ZNF568: variants seen among roughly 807,000 people sequenced by gnomAD.
The protein encoded by ZNF568 is zinc finger protein 568.
Under a neutral mutation model 18.1 loss-of-function variants are expected in ZNF568, and 11 were observed. The observed-to-expected ratio is 0.61, with a 90% confidence interval of 0.38 to 1.00. The LOEUF (loss-of-function observed/expected upper bound fraction) is 1.00, where lower values mean the gene tolerates loss of function less well. Among genes scored for constraint, ZNF568 ranks in the 50% least tolerant of loss-of-function variants. The probability of loss-of-function intolerance (pLI) is 0.01; values close to 1 mark genes in which losing one functional copy is unlikely to be tolerated. For synonymous variants in ZNF568, 213 were observed against 246.6 expected (o/e 0.86, Z 1.28); for missense variants, 639 against 768.2 (o/e 0.83, Z 1.99).
At chr19:36,962,283 T>TTG (rs1555736285) in intron 6 of ZNF568, among the ~76,000 whole-genome samples, 3 of 142,044 alleles carry the variant, frequency 2.1e-5, no homozygotes, top group Admixed American at 7.1e-5. Flanking sequence ...CAGTGTTTTT[T>TTG]TTTTTTTTTT....
chr19:36,970,931 A>G (rs982618196), intron 6 of ZNF568, among the ~76,000 whole-genome samples: 1 of 152,126 alleles, frequency 6.6e-6, no homozygotes, highest in Admixed American at 6.6e-5. Flanking sequence ...AGAGTTGTAC[A>G]TAACAGCCTC....
chr19:36,997,357 G>A, downstream of ZNF568: 1 of 1,601,864 alleles, frequency 6.2e-7, no homozygotes, highest in Non-Finnish European at 8.5e-7. Flanking sequence ...ACATCAGAGA[G>A]CTCATACTGG....
intron 2 of ZNF568, among the ~76,000 whole-genome samples, chr19:36,985,547 C>T (rs1327059531): frequency 1.3e-5 from 2 of 151,574 alleles, no homozygotes; most frequent in Non-Finnish European, 2.9e-5. Flanking sequence ...TTTTAAGACA[C>T]AGTCTCACTG....
chr19:36,934,833 T>G (rs1296837248), intron 4 of ZNF568, among the ~76,000 whole-genome samples: 2 of 152,200 alleles, frequency 1.3e-5, no homozygotes, highest in African/African-American at 4.8e-5. Flanking sequence ...TGTTTAATTT[T>G]TACATATTTT....
intron 7 of ZNF568, among the ~76,000 whole-genome samples, chr19:36,978,412 T>C (rs2074302880): frequency 6.6e-6 from 1 of 152,198 alleles, no homozygotes; most frequent in South Asian, 2.1e-4. Context: ...GTTAACTTTC[T>C]GCTCCTCAGA....
chr19:36,987,673 G>C (rs2074387420), intron 2 of ZNF568, among the ~76,000 whole-genome samples: 1 of 151,968 alleles, frequency 6.6e-6, no homozygotes. Context: ...ACAAAAGGGA[G>C]CCCAGGCCCT....
intron 6 of ZNF568, among the ~76,000 whole-genome samples, chr19:36,969,105 T>C (rs1344944765): frequency 2.6e-5 from 4 of 152,212 alleles, no homozygotes; most frequent in Non-Finnish European, 5.9e-5. Flanking sequence ...TCCAGCCACC[T>C]CAGCCTCCCA....
chr19:36,974,950 CT>C (rs1397529221), intron 7 of ZNF568, among the ~76,000 whole-genome samples: 2 of 151,340 alleles, frequency 1.3e-5, no homozygotes, highest in East Asian at 3.9e-4. Flanking sequence ...CCTCAGCCTC[CT>C]GAGTAGCCGA....
intron 6 of ZNF568, among the ~76,000 whole-genome samples, chr19:36,967,077 C>T (rs1423481075): frequency 6.6e-6 from 1 of 152,214 alleles, no homozygotes; most frequent in Non-Finnish European, 1.5e-5. Flanking sequence ...ACGTAGCAAA[C>T]TTCTCCAGCA....
At chr19:36,947,755 G>C (rs1041495934) in intron 6 of ZNF568, among the ~76,000 whole-genome samples, 1 of 152,068 alleles carries the variant, frequency 6.6e-6, no homozygotes, top group African/African-American at 2.4e-5. Context: ...CAAGTAGCTG[G>C]GAATATAGGT....
Position 36,929,411 on chromosome 19 carries a change from C to T in ZNF568, c.135+4153C>T, listed in dbSNP as rs1347874685. Reference sequence around the variant, plus strand: ...AAAAAATTAGCTGGGTGTGGCCAGGCGTGGTGGCTCACGCCTGTAATCCCA... The same window carrying T: ...AAAAAATTAGCTGGGTGTGGCCAGGTGTGGTGGCTCACGCCTGTAATCCCA... On this transcript the variant is annotated intron_variant, in intron 4 of 6. Transcript: ENST00000333987. Among the ~76,000 whole-genome samples the T allele has an allele frequency of 3.9e-5, 6 of 152,074 alleles. No individual in the cohort carries two copies. In the South Asian group the frequency reaches 1.0e-3, roughly 26 times the overall value.
chr19:36,935,417 G>C (rs139145531), intron 4 of ZNF568, among the ~76,000 whole-genome samples: 1 of 151,920 alleles, frequency 6.6e-6, no homozygotes, highest in Non-Finnish European at 1.5e-5. Flanking sequence ...AAAATTAGCC[G>C]GGTGCGGTGG....
At chr19:36,942,322 G>A (rs542183741) in intron 6 of ZNF568, among the ~76,000 whole-genome samples, 2 of 151,846 alleles carry the variant, frequency 1.3e-5, no homozygotes, top group Admixed American at 1.3e-4. Flanking sequence ...TAAAGGAGCT[G>A]GTCGCGGCAG....
At chr19:36,918,429 T>C (rs1302721540) in intron 2 of ZNF568, among the ~76,000 whole-genome samples, 1 of 152,132 alleles carries the variant, frequency 6.6e-6, no homozygotes, top group African/African-American at 2.4e-5. Flanking sequence ...CCTAATATAA[T>C]GTAAATGCTG....
intron 6 of ZNF568, among the ~76,000 whole-genome samples, chr19:36,964,526 A>G (rs1271703300): frequency 6.6e-6 from 1 of 152,170 alleles, no homozygotes; most frequent in East Asian, 1.9e-4. Flanking sequence ...CAAAATAATG[A>G]AGTGAGCCAG....
At chr19:36,938,938 T>C (rs185097788) in intron 6 of ZNF568, among the ~76,000 whole-genome samples, 153 of 152,340 alleles carry the variant, frequency 1.0e-3, no homozygotes, top group African/African-American at 3.6e-3. Flanking sequence ...ATAGATTTCA[T>C]GCTCGTTTCT....
chr19:36,976,639 G>T (rs1047228000), intron 7 of ZNF568, among the ~76,000 whole-genome samples: 2 of 152,108 alleles, frequency 1.3e-5, no homozygotes, highest in Admixed American at 6.6e-5. Context: ...GGCCGGGTGC[G>T]GTGGCTCATG....
chr19:36,990,932 C>A (rs1424073595), intron 2 of ZNF568: 2 of 384,872 alleles, frequency 5.2e-6, no homozygotes, highest in South Asian at 4.7e-5. Context: ...TATTCTCTGA[C>A]CTGGGTAGAT....
intron 6 of ZNF568, among the ~76,000 whole-genome samples, chr19:36,972,170 T>G (rs1054880011): frequency 6.6e-6 from 1 of 152,032 alleles, no homozygotes; most frequent in Non-Finnish European, 1.5e-5. Context: ...TTTAAAAAAT[T>G]GGTTTATTTT....
Sources: gnomAD v4.1 joint callset for allele counts (sites outside exome capture counted in the v4.1 genomes callset) on GRCh38, gnomAD v4.1.1 for gene constraint, MANE v1.5 for transcripts, NCBI Gene and HGNC (gene_info 2026-07-23, HGNC 2026-07-21) for gene names.